The following ANKMY1 variants were observed in gnomAD, a reference collection of about 807,000 sequenced individuals.
ANKMY1 encodes the protein ankyrin repeat and MYND domain-containing protein 1.
A neutral mutation model predicts 102.0 loss-of-function variants in ANKMY1; 98 were observed. The ratio of observed to expected loss-of-function variants is 0.96; its 90% CI spans 0.82 to 1.14. The LOEUF is 1.14. ANKMY1 is among the 50% of genes most tolerant of loss of function. The probability of loss-of-function intolerance (pLI) is 0.00; values close to 1 mark genes in which losing one functional copy is unlikely to be tolerated. For missense variants in ANKMY1, 1,330 were observed against 1,347.6 expected, an observed-to-expected ratio of 0.99 and a Z score of 0.20; for synonymous variants, 582 against 559.9, an observed-to-expected ratio of 1.04 and a Z score of -0.56.
rs1574858029 is a variant in ANKMY1, at chr2:240,482,229, T to A, written c.2839A>T (p.Lys947Ter). The stretch of plus-strand genomic sequence containing the variant: ...AGGCCCCTGGGCAGGCTGGGGCCCT[T>A]CTTCTTCATCCTGTGGCTGGGGATC... ...ELIPSHRMKK[K>*]GPSLPRGLDV... is the part of the protein sequence containing the mutation. The change falls in exon 16 of 18, where the codon AAG (lysine) becomes TAG (stop). Residue 947 changes from lysine to a stop codon, truncating the protein, a stop_gained. Coordinates refer to ENST00000401804, the MANE Select transcript of ANKMY1 (RefSeq NM_001282771.3). LOFTEE classifies it high-confidence loss of function. 6.2e-7 allele frequency: 1 copy of A among 1,612,594 alleles called. No homozygotes were observed. The highest frequency in any genetic ancestry group is 2.2e-5 in the East Asian group (1 of 44,810).
At chr2:240,516,891 T>C (rs1319841432) in intron 9 of ANKMY1, among the ~76,000 whole-genome samples, 1 of 152,252 alleles carries the variant, frequency 6.6e-6, no homozygotes, top group African/African-American at 2.4e-5. Flanking sequence ...GAAATAATTG[T>C]TAATGGCTTC....
chr2:240,495,340 C>T (rs1275966623), intron 15 of ANKMY1, among the ~76,000 whole-genome samples: 3 of 152,194 alleles, frequency 2.0e-5, no homozygotes, highest in Non-Finnish European at 4.4e-5. Context: ...GGCCCGCCCA[C>T]AGTTATCCGG....
intron 9 of ANKMY1, among the ~76,000 whole-genome samples, chr2:240,519,490 G>GAGCTGC (rs2081762397): frequency 6.6e-6 from 1 of 152,158 alleles, no homozygotes; most frequent in Non-Finnish European, 1.5e-5. Flanking sequence ...TGGACTGACG[G>GAGCTGC]AGCTGCGAGA....
chr2:240,503,113 G>A (rs1368515164), intron 13 of ANKMY1, among the ~76,000 whole-genome samples: 5 of 152,222 alleles, frequency 3.3e-5, no homozygotes, highest in Non-Finnish European at 5.9e-5. Context: ...ACGGCACCGG[G>A]AGGGAAGGCT....
intron 2 of ANKMY1, among the ~76,000 whole-genome samples, chr2:240,556,307 A>G (rs962244637): frequency 2.0e-5 from 3 of 152,222 alleles, no homozygotes; most frequent in Non-Finnish European, 4.4e-5. Context: ...CCTAATTGCC[A>G]TCATGTTCCC....
At chr2:240,511,767 C>A in intron 11 of ANKMY1, 94 bp downstream of exon 11, 1 of 1,439,422 alleles carries the variant, frequency 6.9e-7, no homozygotes, top group African/African-American at 1.5e-5. Context: ...TAAGACTCAG[C>A]ATGAGAACAC....
chr2:240,557,433 G>A, intron 1 of ANKMY1, 81 bp from the exon 2 acceptor site: 1 of 1,389,336 alleles, frequency 7.2e-7, no homozygotes, highest in Non-Finnish European at 9.4e-7. Flanking sequence ...CCGGCCCGCG[G>A]CCCCTGAGCC....
chr2:240,473,478 C>CAAAAAAA, the ANKMY1 span, among the ~76,000 whole-genome samples: 6 of 135,076 alleles, frequency 4.4e-5, no homozygotes, highest in African/African-American at 1.4e-4. Context: ...ACCAATTAAC[C>CAAAAAAA]AAAAAAAAAA....
chr2:240,492,569 T>A (rs2076772224), intron 15 of ANKMY1, among the ~76,000 whole-genome samples: 2 of 152,250 alleles, frequency 1.3e-5, no homozygotes, highest in Admixed American at 1.3e-4. Flanking sequence ...TCTGTTTGGT[T>A]ATTTTTTAAA....
chr2:240,547,700 A>C, intron 4 of ANKMY1, among the ~76,000 whole-genome samples: 2 of 149,058 alleles, frequency 1.3e-5, no homozygotes, highest in African/African-American at 5.0e-5. Context: ...GATCCCACAG[A>C]AATACAAACT....
At chr2:240,547,947 G>A (rs2090752402) in intron 4 of ANKMY1, among the ~76,000 whole-genome samples, 1 of 152,180 alleles carries the variant, frequency 6.6e-6, no homozygotes, top group Non-Finnish European at 1.5e-5. Flanking sequence ...AGGGGGAACT[G>A]GTACCATTCC....
chr2:240,544,918 A>C (rs1336044911), intron 4 of ANKMY1, among the ~76,000 whole-genome samples: 1 of 152,176 alleles, frequency 6.6e-6, no homozygotes, highest in Non-Finnish European at 1.5e-5. Flanking sequence ...GCAAGGCGGC[A>C]GCGAGGCTGG....
intron 4 of ANKMY1, among the ~76,000 whole-genome samples, chr2:240,546,647 A>G (rs901361068): frequency 3.3e-5 from 5 of 152,186 alleles, no homozygotes; most frequent in African/African-American, 1.2e-4. Context: ...ATAGGCTCAA[A>G]ATAAAAGGAT....
At position 240,526,392 on chromosome 2, in the gene ANKMY1, C is replaced by A. The variant is rs142461924; in HGVS notation, c.1007G>T (p.Arg336Leu). The change falls in exon 6 of 18, where the codon CGC becomes CTC. Residue 336 changes from arginine to leucine, a missense_variant. Physicochemically the swap from Arg to Leu is moderately radical, Grantham distance 102. Transcript: ENST00000401804. ...GGGCCCACAGGGTGCAAAGCCACTG[C>A]GCTTCCCCTCCAGGATGGCGCCCAT... Reference protein sequence around the residue: ...WNMGAILEGKRSGFAPCGPKE... With the variant: ...WNMGAILEGKLSGFAPCGPKE... The A allele has an allele frequency of 1.2e-6, 2 of 1,614,218 alleles. No individual in the cohort carries two copies. The highest frequency in any genetic ancestry group is 1.3e-5 in the African/African-American group (1 of 75,062).
chr2:240,474,160 A>G, the ANKMY1 span, among the ~76,000 whole-genome samples: 1 of 151,842 alleles, frequency 6.6e-6, no homozygotes, highest in Non-Finnish European at 1.5e-5. Flanking sequence ...CAGTGGCGCA[A>G]TCTTGGCTCA....
Position 240,521,451 on chromosome 2 carries a change from T to C in ANKMY1, c.1833-918A>G, listed in dbSNP as rs572781284. ...CTTTCTGGTGGGTTGTTGGTCTCGC[T>C]GACTTCAAGAATGAAGTCGCGGAAC... On this transcript the variant is annotated intron_variant, in intron 8 of 17. Transcript: ENST00000401804. 1.5e-4 allele frequency among the ~76,000 whole-genome samples: 23 copies of C among 149,874 alleles called. No homozygotes were observed. In the South Asian group the frequency reaches 4.3e-3, roughly 28 times the overall value.
the ANKMY1 span, among the ~76,000 whole-genome samples, chr2:240,471,819 C>G: frequency 8.0e-4 from 122 of 152,278 alleles, 2 homozygotes; most frequent in African/African-American, 2.8e-3. Context: ...TGCAGCTCGC[C>G]AAATGGGGTC....
At chr2:240,492,695 T>A (rs772738640) in intron 15 of ANKMY1, among the ~76,000 whole-genome samples, 4 of 152,120 alleles carry the variant, frequency 2.6e-5, no homozygotes, top group Non-Finnish European at 5.9e-5. Flanking sequence ...TATTTTGAAT[T>A]TTTTTTTAAA....
chr2:240,479,520 G>T lies in ANKMY1; in HGVS notation c.*89C>A. ...CAAAGGTGCAGAAATGCCTGCATTA[G>T]GCTGGAAGATTCCCTGAGGTGGCTC... On this transcript the variant is annotated 3_prime_UTR_variant, in exon 18 of 18. Transcript: ENST00000401804. The T allele has an allele frequency of 6.8e-7, 1 of 1,472,228 alleles. No individual in the cohort carries two copies. The highest frequency in any genetic ancestry group is 9.5e-7 in the Non-Finnish European group (1 of 1,056,476). 91.2% of individuals were successfully genotyped at this position (1,472,228 alleles called of 1,614,324 possible).
Sources: gnomAD v4.1 joint callset for allele counts (sites outside exome capture counted in the v4.1 genomes callset) on GRCh38, gnomAD v4.1.1 for gene constraint, MANE v1.5 for transcripts, NCBI Gene and HGNC (gene_info 2026-07-23, HGNC 2026-07-21) for gene names.